UGT1A9: variants seen among roughly 807,000 people sequenced by gnomAD.
UGT1A9 encodes UDP-glucuronosyltransferase 1A9.
In UGT1A9, 35 loss-of-function variants were observed where a neutral mutation model predicts 45.0. The ratio of observed to expected loss-of-function variants is 0.78; its 90% confidence interval spans 0.59 to 1.03. UGT1A9 has a LOEUF of 1.03. UGT1A9 is among the 50% of genes least tolerant of loss of function. The probability of loss-of-function intolerance (pLI) is 0.00; values close to 1 mark genes in which losing one functional copy is unlikely to be tolerated. For synonymous variants in UGT1A9, 278 were observed against 250.6 expected (o/e 1.11, Z -1.03); for missense variants, 687 against 666.6 (o/e 1.03, Z -0.34).
rs542881943 is a variant in UGT1A9, at chr2:233,729,093, G to A, written c.856-37941G>A. 7.1e-5 allele frequency: 115 copies of A among 1,612,640 alleles called. 3 individuals carry two copies. In the South Asian group the frequency reaches 1.2e-3, roughly 17 times the overall value. ...AGCAAATGTAGCAGGCACAGCGTGGGGTGGACAGTCAGCTGTCCGTGTCTT... is the reference window on the plus strand; with the variant it reads ...AGCAAATGTAGCAGGCACAGCGTGGAGTGGACAGTCAGCTGTCCGTGTCTT... On this transcript the variant is annotated intron_variant, in intron 1 of 4. Transcript: ENST00000354728.
intron 1 of UGT1A9, chr2:233,729,951 C>A (rs1214180861): frequency 6.2e-7 from 1 of 1,613,942 alleles, no homozygotes; most frequent in East Asian, 2.2e-5. Context: ...ACATGGTCTT[C>A]ATTGGGGGCA....
intron 1 of UGT1A9, among the ~76,000 whole-genome samples, chr2:233,749,024 T>C (rs1310542743): frequency 6.6e-6 from 1 of 151,748 alleles, no homozygotes; most frequent in East Asian, 1.9e-4. Flanking sequence ...CCAGAATATT[T>C]GGGGTTCATT....
chr2:233,720,496 G>A (rs780049805), intron 1 of UGT1A9, among the ~76,000 whole-genome samples: 30 of 152,218 alleles, frequency 2.0e-4, no homozygotes, highest in Middle Eastern at 3.4e-3. Context: ...GAAGGGAAGT[G>A]TTTCTCAGGT....
At chr2:233,701,218 C>T (rs1237228393) in intron 1 of UGT1A9, among the ~76,000 whole-genome samples, 1 of 152,080 alleles carries the variant, frequency 6.6e-6, no homozygotes, top group Non-Finnish European at 1.5e-5. Context: ...TATTTATAAT[C>T]CTTTGGGTAT....
chr2:233,678,778 T>A (rs912821859), intron 1 of UGT1A9, among the ~76,000 whole-genome samples: 2 of 152,200 alleles, frequency 1.3e-5, no homozygotes, highest in Non-Finnish European at 2.9e-5. Flanking sequence ...ATTGATTCCC[T>A]GAGTGTGGCA....
chr2:233,758,803 T>C (rs554075465), intron 1 of UGT1A9, among the ~76,000 whole-genome samples: 1 of 152,342 alleles, frequency 6.6e-6, no homozygotes, highest in Admixed American at 6.5e-5. Context: ...TGGAATTGTA[T>C]AGTACAGCAG....
At chr2:233,704,449 C>T (rs1211739225) in intron 1 of UGT1A9, among the ~76,000 whole-genome samples, 2 of 152,034 alleles carry the variant, frequency 1.3e-5, no homozygotes, top group Non-Finnish European at 2.9e-5. Context: ...AAATGTCATT[C>T]CTATATAGCT....
At chr2:233,688,603 A>G (rs111635928) in intron 1 of UGT1A9, among the ~76,000 whole-genome samples, 1 of 152,192 alleles carries the variant, frequency 6.6e-6, no homozygotes, top group Non-Finnish European at 1.5e-5. Flanking sequence ...TTACAGAATA[A>G]CACCCTCAGC....
At chr2:233,687,087 G>A (rs1165875503) in intron 1 of UGT1A9, among the ~76,000 whole-genome samples, 2 of 152,182 alleles carry the variant, frequency 1.3e-5, no homozygotes, top group Admixed American at 1.3e-4. Context: ...AAGTACTTCA[G>A]CTGTGACACT....
Position 233,752,817 on chromosome 2 carries a change from T to G in UGT1A9, c.856-14217T>G, listed in dbSNP as rs569255624. On this transcript the variant is annotated intron_variant, in intron 1 of 4. Transcript: ENST00000354728. ...CTTCTGTAGAAGGAACACTTCCCAT[T>G]TATGACATCAGTAATCTAGGATATA... Among the ~76,000 whole-genome samples the G allele has an allele frequency of 2.6e-5, 4 of 152,306 alleles. No individual in the cohort carries two copies. The East Asian group carries it at 7.7e-4, about 29-fold the overall frequency.
intron 1 of UGT1A9, among the ~76,000 whole-genome samples, chr2:233,738,676 G>T (rs1690872856): frequency 6.6e-6 from 1 of 152,190 alleles, no homozygotes; most frequent in African/African-American, 2.4e-5. Flanking sequence ...GAGATGATCT[G>T]AAATTGGAAC....
At chr2:233,682,424 C>T (rs529928629) in intron 1 of UGT1A9, 1 of 1,613,868 alleles carries the variant, frequency 6.2e-7, no homozygotes, top group African/African-American at 1.3e-5. Context: ...ATATTTCTCC[C>T]TCCCCTCTGT....
intron 1 of UGT1A9, among the ~76,000 whole-genome samples, chr2:233,674,425 G>A (rs1388010755): frequency 6.6e-6 from 1 of 152,044 alleles, no homozygotes; most frequent in Non-Finnish European, 1.5e-5. Flanking sequence ...TGTAGTAACA[G>A]GCACCACTTA....
rs752420110 is a variant in UGT1A9, at chr2:233,767,943, T to C, written c.1075+7T>C. The C allele has an allele frequency of 3.2e-5, 51 of 1,614,076 alleles. No homozygotes were observed. The highest frequency in any genetic ancestry group is 1.6e-4 in the East Asian group (7 of 44,900). On this transcript the variant is annotated splice_region_variant and intron_variant, in intron 3 of 4. Transcript: ENST00000354728. ...CCCCAAAACGATCTGCTTGGTATGT[T>C]GGGCGGATTGGATGTATAGGTCAAA...
At chr2:233,759,585 G>C in intron 1 of UGT1A9, among the ~76,000 whole-genome samples, 1 of 148,700 alleles carries the variant, frequency 6.7e-6, no homozygotes, top group Non-Finnish European at 1.5e-5. Context: ...ACCCCAGCAC[G>C]CCCCCCACCC....
chr2:233,693,574 C>T (rs745481050), intron 1 of UGT1A9: 30 of 1,614,190 alleles, frequency 1.9e-5, no homozygotes, highest in East Asian at 1.6e-4. Context: ...ACCCTGTGTC[C>T]TACATTCCCA....
intron 1 of UGT1A9, among the ~76,000 whole-genome samples, chr2:233,731,354 T>C (rs910917478): frequency 6.6e-5 from 10 of 151,866 alleles, no homozygotes; most frequent in African/African-American, 2.4e-4. Context: ...GATACATAGG[T>C]ATACATGTGC....
chr2:233,682,221 A>G (rs2074565601), intron 1 of UGT1A9: 2 of 1,614,082 alleles, frequency 1.2e-6, no homozygotes, highest in Non-Finnish European at 1.7e-6. Context: ...GTTTTTGCCG[A>G]TGCTCGCTGG....
chr2:233,679,502 G>A (rs187149830), intron 1 of UGT1A9, among the ~76,000 whole-genome samples: 14 of 152,174 alleles, frequency 9.2e-5, no homozygotes, highest in Admixed American at 6.5e-4. Context: ...TTACATTCTG[G>A]TGCTTGGTTT....
Sources: allele counts gnomAD v4.1 joint callset (sites outside exome capture counted in the v4.1 genomes callset), GRCh38; gene constraint gnomAD v4.1.1; transcripts MANE v1.5; gene names NCBI Gene and HGNC (gene_info 2026-07-23, HGNC 2026-07-21).